The following DRAM1 variants were observed in gnomAD, a reference collection of about 807,000 sequenced individuals.
DRAM1 encodes DNA damage-regulated autophagy modulator protein 1.
A neutral mutation model predicts 28.5 loss-of-function variants in DRAM1; 25 were observed. The ratio of observed to expected loss-of-function variants is 0.88; its 90% CI spans 0.64 to 1.23. The LOEUF (loss-of-function observed/expected upper bound fraction) is 1.23. Among genes scored for constraint, DRAM1 ranks in the 50% most tolerant of loss-of-function variants. The probability of loss-of-function intolerance (pLI) is 0.00; values close to 1 mark genes in which losing one functional copy is unlikely to be tolerated. For missense variants in DRAM1, 249 were observed against 299.2 expected, an observed-to-expected ratio of 0.83 and a Z score of 1.24; for synonymous variants, 113 against 114.2, an observed-to-expected ratio of 0.99 and a Z score of 0.07.
intron 2 of DRAM1, among the ~76,000 whole-genome samples, chr12:101,899,101 G>A (rs190556603): frequency 1.7e-3 from 255 of 152,262 alleles, no homozygotes; most frequent in African/African-American, 6.0e-3. Context: ...GGACAGTGAT[G>A]CTGACCCTAC....
intron 5 of DRAM1, chr12:101,919,892 G>C (rs1024830210): frequency 2.7e-6 from 1 of 374,522 alleles, no homozygotes; most frequent in African/African-American, 2.1e-5. Flanking sequence ...GAGTTTGTGC[G>C]AGCCAGAAAG....
intron 1 of DRAM1, among the ~76,000 whole-genome samples, chr12:101,881,226 A>T (rs1370541106): frequency 1.3e-5 from 2 of 152,146 alleles, no homozygotes; most frequent in Admixed American, 1.3e-4. Context: ...GTTGCCGTGA[A>T]CCGAGACTGT....
At chr12:101,884,954 A>G (rs1594291051) in intron 1 of DRAM1, among the ~76,000 whole-genome samples, 1 of 134,202 alleles carries the variant, frequency 7.5e-6, no homozygotes, top group South Asian at 2.3e-4. Context: ...TTTTTTTGAG[A>G]TGGAGTTTCA....
At chr12:101,882,107 ATTTTTTTTTTTTTTTTT>A (rs78402038) in intron 1 of DRAM1, among the ~76,000 whole-genome samples, 2 of 129,588 alleles carry the variant, frequency 1.5e-5, no homozygotes, top group African/African-American at 5.4e-5. Flanking sequence ...TGATGGTCTA[ATTTTTTTTTTTTTTTTT>A]TTTTTTTTTT....
chr12:101,900,433 A>G (rs1385649826), intron 2 of DRAM1, among the ~76,000 whole-genome samples: 1 of 152,246 alleles, frequency 6.6e-6, no homozygotes, highest in Admixed American at 6.5e-5. Flanking sequence ...AATTTGTAAT[A>G]TTTATAGCAG....
At chr12:101,903,629 T>G (rs1392362536) in intron 3 of DRAM1, among the ~76,000 whole-genome samples, 1 of 152,132 alleles carries the variant, frequency 6.6e-6, no homozygotes. Context: ...TGACTATAGT[T>G]AATAATAGTG....
intron 1 of DRAM1, among the ~76,000 whole-genome samples, chr12:101,891,704 A>G (rs1442060088): frequency 6.6e-6 from 1 of 152,218 alleles, no homozygotes; most frequent in East Asian, 1.9e-4. Context: ...CAAATGAACA[A>G]TTTGCTGGCC....
At chr12:101,880,133 G>A (rs1025117871) in intron 1 of DRAM1, among the ~76,000 whole-genome samples, 5 of 151,686 alleles carry the variant, frequency 3.3e-5, no homozygotes, top group Admixed American at 6.6e-5. Context: ...CTGCAGCCTC[G>A]ACCTCCTGGG....
At chr12:101,900,657 G>A (rs1255121174) in intron 2 of DRAM1, among the ~76,000 whole-genome samples, 1 of 152,176 alleles carries the variant, frequency 6.6e-6, no homozygotes, top group East Asian at 1.9e-4. Context: ...TAGACTGACA[G>A]AATTAAAAAG....
chr12:101,881,494 T>G (rs185717204), intron 1 of DRAM1, among the ~76,000 whole-genome samples: 1 of 152,240 alleles, frequency 6.6e-6, no homozygotes, highest in African/African-American at 2.4e-5. Flanking sequence ...CATGCCAGGC[T>G]GAAGGTATCT....
chr12:101,920,654 G>C (rs935784648), intron 6 of DRAM1, among the ~76,000 whole-genome samples: 3 of 152,204 alleles, frequency 2.0e-5, no homozygotes, highest in Non-Finnish European at 2.9e-5. Flanking sequence ...GTTCACATCT[G>C]TAATCCCAGC....
chr12:101,895,102 G>A (rs759874125), intron 1 of DRAM1, among the ~76,000 whole-genome samples: 26 of 151,274 alleles, frequency 1.7e-4, no homozygotes, highest in Non-Finnish European at 3.2e-4. Flanking sequence ...GTGCTCAGAA[G>A]GGCATCCTCC....
chr12:101,920,771 G>T (rs1874453061), intron 6 of DRAM1, among the ~76,000 whole-genome samples: 1 of 151,992 alleles, frequency 6.6e-6, no homozygotes, highest in South Asian at 2.1e-4. Flanking sequence ...ATTAGCTGGG[G>T]GTGGTGGCAC....
intron 2 of DRAM1, 136 bp from the exon 3 acceptor site, chr12:101,901,155 G>C (rs969616224): frequency 3.9e-6 from 3 of 775,628 alleles, no homozygotes; most frequent in African/African-American, 1.8e-5. Flanking sequence ...GTAAGATGGA[G>C]TCAGGAGGGA....
intron 1 of DRAM1, among the ~76,000 whole-genome samples, chr12:101,894,413 G>A (rs143765854): frequency 0.024 from 3,635 of 151,964 alleles, 152 homozygotes; most frequent in African/African-American, 0.083. Flanking sequence ...TACCACACCC[G>A]GCCAATTTTT....
intron 1 of DRAM1, among the ~76,000 whole-genome samples, chr12:101,884,445 A>G (rs1166346343): frequency 1.3e-5 from 2 of 150,032 alleles, no homozygotes; most frequent in Non-Finnish European, 3.0e-5. Flanking sequence ...TTAACTTGTT[A>G]TAGTTTCTTA....
intron 5 of DRAM1, 76 bp downstream of exon 5, chr12:101,914,308 G>T: frequency 1.8e-6 from 2 of 1,096,884 alleles, no homozygotes; most frequent in East Asian, 2.5e-5. Flanking sequence ...GCATAGGGAA[G>T]ATCACTGCCG....
intron 4 of DRAM1, among the ~76,000 whole-genome samples, chr12:101,909,589 A>G (rs1346910234): frequency 6.6e-6 from 1 of 152,172 alleles, no homozygotes; most frequent in African/African-American, 2.4e-5. Flanking sequence ...AGAAATTTCT[A>G]AAAAGCTCTA....
intron 1 of DRAM1, among the ~76,000 whole-genome samples, chr12:101,893,370 C>T (rs1389690179): frequency 2.0e-5 from 3 of 152,178 alleles, no homozygotes; most frequent in Non-Finnish European, 2.9e-5. Context: ...TGAATTTTAA[C>T]GTGTTGAGAG....
Sources: gnomAD v4.1 joint callset for allele counts (sites outside exome capture counted in the v4.1 genomes callset) on GRCh38, gnomAD v4.1.1 for gene constraint, MANE v1.5 for transcripts, NCBI Gene and HGNC (gene_info 2026-07-23, HGNC 2026-07-21) for gene names.